Variants in MEMO1 observed in about 807,000 individuals in gnomAD.
MEMO1 encodes the protein protein MEMO1.
MEMO1 carries 6 observed loss-of-function variants against 45.2 expected under a neutral mutation model. The ratio of observed to expected loss-of-function variants is 0.13; its 90% CI spans 0.07 to 0.26. MEMO1 has a LOEUF of 0.26. Among genes scored for constraint, MEMO1 ranks in the 10% least tolerant of loss-of-function variants. The probability of loss-of-function intolerance (pLI) is 1.00; values close to 1 mark genes in which losing one functional copy is unlikely to be tolerated. For synonymous variants in MEMO1, 78 were observed against 124.3 expected (o/e 0.63, Z 2.48); for missense variants, 184 against 370.5 (o/e 0.50, Z 4.13).
rs773896566 is a variant in MEMO1, at chr2:31,893,253, C to T, written c.438-1119G>A. 1.8e-5 allele frequency: 18 copies of T among 994,770 alleles called. No individual in the cohort carries two copies. The South Asian group carries it at 1.8e-4, about 10-fold the overall frequency. The allele number at this position is 994,770 out of a possible 1,614,324, so 61.6% of individuals were successfully genotyped here. A position where few individuals can be genotyped will look rare whatever the true frequency, so the allele number is the denominator to read the frequency against. On this transcript the variant is annotated intron_variant, in intron 6 of 9. Transcript: ENST00000404530. The stretch of plus-strand genomic sequence containing the variant: ...TAAGGCCCCCTTACCCTGTCAATTG[C>T]GAAATAAACAGATCATACAGATCTC...
intron 6 of MEMO1, among the ~76,000 whole-genome samples, chr2:31,912,700 C>T (rs773635822): frequency 1.3e-5 from 2 of 151,798 alleles, no homozygotes; most frequent in African/African-American, 2.4e-5. Context: ...CAAACATAAA[C>T]GTGTATGTAT....
intron 4 of MEMO1, among the ~76,000 whole-genome samples, chr2:31,927,531 A>G (rs562510371): frequency 3.9e-5 from 6 of 152,064 alleles, no homozygotes; most frequent in Non-Finnish European, 8.8e-5. Context: ...AATGATCAAA[A>G]CAGGGTGAAT....
At chr2:31,876,614 C>T (rs1310421367) in intron 8 of MEMO1, among the ~76,000 whole-genome samples, 1 of 152,142 alleles carries the variant, frequency 6.6e-6, no homozygotes, top group African/African-American at 2.4e-5. Context: ...ACCTAATTGA[C>T]ATCTCTACTT....
chr2:31,914,961 TAA>T (rs34556047), intron 6 of MEMO1, among the ~76,000 whole-genome samples: 33 of 120,212 alleles, frequency 2.7e-4, no homozygotes, highest in South Asian at 2.8e-4. Context: ...TGTCTCTTTT[TAA>T]AAAAAAAAAA....
chr2:31,891,722 C>A (rs1004582131), intron 7 of MEMO1, among the ~76,000 whole-genome samples: 6 of 152,108 alleles, frequency 3.9e-5, no homozygotes, highest in African/African-American at 1.4e-4. Flanking sequence ...GATCTTAACT[C>A]CCACTAAATA....
At chr2:31,999,616 G>C (rs1673025737) in intron 2 of MEMO1, among the ~76,000 whole-genome samples, 1 of 152,092 alleles carries the variant, frequency 6.6e-6, no homozygotes, top group Non-Finnish European at 1.5e-5. Context: ...GTTTCAATGA[G>C]CTATGATTGC....
chr2:31,940,310 T>C (rs1381912858), intron 3 of MEMO1, among the ~76,000 whole-genome samples: 1 of 152,204 alleles, frequency 6.6e-6, no homozygotes, highest in African/African-American at 2.4e-5. Flanking sequence ...CTCTTCTTTG[T>C]ACTCCAGATT....
At chr2:31,939,627 T>C (rs1351331409) in intron 3 of MEMO1, among the ~76,000 whole-genome samples, 1 of 152,220 alleles carries the variant, frequency 6.6e-6, no homozygotes, top group African/African-American at 2.4e-5. Context: ...GAAATGAGAA[T>C]GTCTCTCGTG....
chr2:32,007,739 A>G (rs1674280383), intron 2 of MEMO1, among the ~76,000 whole-genome samples: 1 of 152,316 alleles, frequency 6.6e-6, no homozygotes, highest in South Asian at 2.1e-4. Flanking sequence ...GAAATAACAC[A>G]ATACAAGTCC....
intron 6 of MEMO1, among the ~76,000 whole-genome samples, chr2:31,909,527 C>A (rs56995817): frequency 6.6e-6 from 1 of 152,006 alleles, no homozygotes; most frequent in East Asian, 1.9e-4. Context: ...AAAAACAAAA[C>A]AAAATACCTA....
intron 8 of MEMO1, among the ~76,000 whole-genome samples, chr2:31,871,504 C>T (rs1346477336): frequency 1.5e-5 from 2 of 132,490 alleles, no homozygotes. Flanking sequence ...TATATACACA[C>T]ACACACACAC....
chr2:31,884,935 T>TA (rs58729347), intron 7 of MEMO1, among the ~76,000 whole-genome samples: 1 of 150,106 alleles, frequency 6.7e-6, no homozygotes, highest in Non-Finnish European at 1.5e-5. Context: ...GTCTTTGAAC[T>TA]AAAAAAAAAA....
At position 31,934,913 on chromosome 2, in the gene MEMO1, A is replaced by G. The variant is rs116766067; in HGVS notation, c.144-2778T>C. On this transcript the variant is annotated intron_variant, in intron 3 of 9. Coordinates refer to ENST00000404530, the MANE Select transcript of MEMO1 (RefSeq NM_001301833.4). ...ACTCTATCAGTGCTGGTGGGCAAAG[A>G]GAAGCAAATGTGATAGAGTCTAAAA... 5.5e-3 allele frequency among the ~76,000 whole-genome samples: 831 copies of G among 152,292 alleles called. 7 individuals are homozygous for G. The highest frequency in any genetic ancestry group is 0.016 in the African/African-American group (682 of 41,556).
At chr2:31,906,864 T>C (rs894362495) in intron 6 of MEMO1, among the ~76,000 whole-genome samples, 9 of 152,258 alleles carry the variant, frequency 5.9e-5, no homozygotes, top group African/African-American at 1.9e-4. Flanking sequence ...TGTGAAAAGG[T>C]AGACAAGGTG....
chr2:31,964,147 A>C (rs1668336971), intron 2 of MEMO1, among the ~76,000 whole-genome samples: 1 of 152,232 alleles, frequency 6.6e-6, no homozygotes, highest in Non-Finnish European at 1.5e-5. Flanking sequence ...TATAAAATAC[A>C]TGAGACAGAA....
At chr2:31,917,667 T>C (rs1036743938) in intron 6 of MEMO1, among the ~76,000 whole-genome samples, 17 of 152,206 alleles carry the variant, frequency 1.1e-4, no homozygotes, top group Admixed American at 8.5e-4. Flanking sequence ...GCAAGATATA[T>C]ACATACCCAC....
At chr2:31,971,241 A>C (rs1669358450) in intron 2 of MEMO1, among the ~76,000 whole-genome samples, 1 of 152,088 alleles carries the variant, frequency 6.6e-6, no homozygotes, top group Admixed American at 6.6e-5. Context: ...CACCCAGAAA[A>C]ATGTAAGCAT....
intron 9 of MEMO1, among the ~76,000 whole-genome samples, chr2:31,869,328 C>G (rs754090406): frequency 1.3e-5 from 2 of 151,998 alleles, no homozygotes; most frequent in African/African-American, 4.8e-5. Flanking sequence ...GAAAAAAATG[C>G]TATTTCTTTT....
intron 2 of MEMO1, among the ~76,000 whole-genome samples, chr2:31,966,909 C>G: frequency 6.6e-6 from 1 of 152,070 alleles, no homozygotes; most frequent in Non-Finnish European, 1.5e-5. Context: ...CATCTCTATA[C>G]GTTCAAACTT....
Sources: gnomAD v4.1 joint callset for allele counts (sites outside exome capture counted in the v4.1 genomes callset) on GRCh38, gnomAD v4.1.1 for gene constraint, MANE v1.5 for transcripts, NCBI Gene and HGNC (gene_info 2026-07-23, HGNC 2026-07-21) for gene names.